Variants in ERC2 observed in about 807,000 individuals in gnomAD.
The protein encoded by ERC2 is ERC protein 2.
A neutral mutation model predicts 114.8 loss-of-function variants in ERC2; 42 were observed. The observed-to-expected ratio is 0.37, with a 90% CI of 0.29 to 0.47. The LOEUF (loss-of-function observed/expected upper bound fraction) is 0.47, where lower values mean the gene tolerates loss of function less well. Among genes scored for constraint, ERC2 ranks in the 20% least tolerant of loss-of-function variants. The probability of loss-of-function intolerance (pLI) is 0.99; values close to 1 mark genes in which losing one functional copy is unlikely to be tolerated. For synonymous variants in ERC2, 454 were observed against 425.5 expected, an observed-to-expected ratio of 1.07 and a Z score of -0.82; for missense variants, 939 against 1,150.7, an observed-to-expected ratio of 0.82 and a Z score of 2.66.
At chr3:56,337,070 G>A (rs2057885252) in intron 2 of ERC2, among the ~76,000 whole-genome samples, 1 of 152,164 alleles carries the variant, frequency 6.6e-6, no homozygotes. Flanking sequence ...CCTCTGGGTG[G>A]ACAAATACTT....
At chr3:55,608,006 A>C (rs1196925254) in intron 17 of ERC2, 1 of 152,150 alleles carries the variant, frequency 6.6e-6, no homozygotes, top group African/African-American at 2.4e-5. Context: ...AAAACAAAAC[A>C]AAAAACCCCC....
intron 17 of ERC2, among the ~76,000 whole-genome samples, chr3:55,540,777 T>A (rs1039749455): frequency 1.3e-5 from 2 of 152,202 alleles, no homozygotes; most frequent in Admixed American, 6.5e-5. Flanking sequence ...AATGTCTTTG[T>A]TCCTTTCAAG....
At chr3:55,552,680 C>T (rs1301768457) in intron 17 of ERC2, among the ~76,000 whole-genome samples, 1 of 150,722 alleles carries the variant, frequency 6.6e-6, no homozygotes, top group Non-Finnish European at 1.5e-5. Flanking sequence ...CCTGAAAATG[C>T]CCTGTTAGCA....
chr3:56,380,247 T>A (rs1294033951), intron 2 of ERC2, among the ~76,000 whole-genome samples: 3 of 152,120 alleles, frequency 2.0e-5, no homozygotes, highest in Admixed American at 2.0e-4. Context: ...ACTGAAGGTG[T>A]GGTTGGGCAG....
intron 14 of ERC2, among the ~76,000 whole-genome samples, chr3:55,864,257 A>G (rs933815468): frequency 6.8e-6 from 1 of 148,078 alleles, no homozygotes; most frequent in Admixed American, 6.8e-5. Flanking sequence ...ATGTATATAT[A>G]TGTGTGTGTG....
At chr3:55,603,000 A>G (rs1267390027) in intron 17 of ERC2, among the ~76,000 whole-genome samples, 2 of 152,158 alleles carry the variant, frequency 1.3e-5, no homozygotes, top group African/African-American at 4.8e-5. Context: ...AAGACCGAGC[A>G]TCTCCTTAAC....
At chr3:56,463,514 G>A (rs2063410280) in intron 1 of ERC2, among the ~76,000 whole-genome samples, 1 of 152,100 alleles carries the variant, frequency 6.6e-6, no homozygotes, top group African/African-American at 2.4e-5. Flanking sequence ...GACAAAATTG[G>A]GGTTCTTTTA....
intron 3 of ERC2, among the ~76,000 whole-genome samples, chr3:56,202,590 C>A (rs954483888): frequency 2.1e-4 from 31 of 149,256 alleles, no homozygotes; most frequent in African/African-American, 7.6e-4. Flanking sequence ...TTAAGGTATA[C>A]AATGTAATGT....
chr3:55,517,468 A>AT (rs71619899), intron 17 of ERC2, among the ~76,000 whole-genome samples: 3 of 151,908 alleles, frequency 2.0e-5, no homozygotes, highest in African/African-American at 7.3e-5. Flanking sequence ...AAAAAAAAAA[A>AT]AATTATCAAA....
intron 3 of ERC2, among the ~76,000 whole-genome samples, chr3:56,276,458 C>CAAAAAAAAAAA (rs2053994748): frequency 1.7e-5 from 1 of 59,450 alleles, no homozygotes; most frequent in Non-Finnish European, 4.5e-5. Context: ...CCAAACTCAG[C>CAAAAAAAAAAA]TAAAAAAAAA....
chr3:55,724,977 C>T (rs1298700213), intron 15 of ERC2, among the ~76,000 whole-genome samples: 1 of 152,190 alleles, frequency 6.6e-6, no homozygotes, highest in African/African-American at 2.4e-5. Flanking sequence ...TGCGTTATCA[C>T]TTAAAGAATA....
intron 17 of ERC2, among the ~76,000 whole-genome samples, chr3:55,635,630 A>G (rs963727256): frequency 1.3e-5 from 2 of 151,554 alleles, no homozygotes; most frequent in East Asian, 3.9e-4. Context: ...GCCTCAAGTG[A>G]TCCATCTGTC....
intron 7 of ERC2, among the ~76,000 whole-genome samples, chr3:56,042,666 C>T (rs2075257459): frequency 6.6e-6 from 1 of 151,970 alleles, no homozygotes; most frequent in South Asian, 2.1e-4. Flanking sequence ...GTCTAGAATG[C>T]TCTTTTATCG....
At chr3:55,848,407 T>C (rs1201086210) in intron 14 of ERC2, among the ~76,000 whole-genome samples, 1 of 152,196 alleles carries the variant, frequency 6.6e-6, no homozygotes, top group African/African-American at 2.4e-5. Flanking sequence ...TATGCCTGTG[T>C]TTTCTACTGA....
intron 3 of ERC2, among the ~76,000 whole-genome samples, chr3:56,208,109 C>T (rs1290623593): frequency 2.0e-5 from 3 of 152,270 alleles, no homozygotes; most frequent in Admixed American, 6.5e-5. Flanking sequence ...TTATCAGATC[C>T]AGACAATGTG....
At chr3:56,285,953 T>C (rs559332400) in intron 3 of ERC2, among the ~76,000 whole-genome samples, 39 of 152,296 alleles carry the variant, frequency 2.6e-4, no homozygotes, top group Non-Finnish European at 2.2e-4. Context: ...AATCTCCACT[T>C]CTCTGGTGAT....
chr3:55,952,571 C>T (rs2067656090), intron 12 of ERC2, among the ~76,000 whole-genome samples: 1 of 151,992 alleles, frequency 6.6e-6, no homozygotes, highest in Non-Finnish European at 1.5e-5. Flanking sequence ...GGAAATAAGG[C>T]CAGAGCTCAG....
chr3:56,324,800 C>G (rs914171364), intron 2 of ERC2, among the ~76,000 whole-genome samples: 13 of 152,086 alleles, frequency 8.5e-5, no homozygotes, highest in African/African-American at 3.1e-4. Flanking sequence ...TCCTCTGGCT[C>G]TCACCTTCAT....
chr3:55,592,405 C>T (rs751793139), intron 17 of ERC2, among the ~76,000 whole-genome samples: 1 of 152,170 alleles, frequency 6.6e-6, no homozygotes, highest in Non-Finnish European at 1.5e-5. Flanking sequence ...TCTGCCCTCT[C>T]CTTCTGGGAA....
Sources: allele counts gnomAD v4.1 joint callset (sites outside exome capture counted in the v4.1 genomes callset), GRCh38; gene constraint gnomAD v4.1.1; transcripts MANE v1.5; gene names NCBI Gene and HGNC (gene_info 2026-07-23, HGNC 2026-07-21).